HMBOX1: variants seen among roughly 807,000 people sequenced by gnomAD.
The protein encoded by HMBOX1 is homeobox-containing protein 1.
Under a neutral mutation model 54.5 loss-of-function variants are expected in HMBOX1, and 14 were observed. The observed-to-expected ratio is 0.26, with a 90% CI of 0.17 to 0.40. The LOEUF (loss-of-function observed/expected upper bound fraction) is 0.40, where lower values mean the gene tolerates loss of function less well. Among genes scored for constraint, HMBOX1 ranks in the 10% least tolerant of loss-of-function variants. HMBOX1 has a pLI of 1.00. For synonymous variants in HMBOX1, 160 were observed against 181.0 expected (o/e 0.88, Z 0.93); for missense variants, 332 against 514.4 (o/e 0.65, Z 3.43).
At chr8:28,961,707 C>T (rs1208626847) in intron 1 of HMBOX1, among the ~76,000 whole-genome samples, 3 of 152,018 alleles carry the variant, frequency 2.0e-5, no homozygotes, top group Non-Finnish European at 4.4e-5. Flanking sequence ...AAAGTGGAAT[C>T]GCTGGATCAT....
intron 1 of HMBOX1, among the ~76,000 whole-genome samples, chr8:28,940,221 GGT>G (rs1821127870): frequency 6.6e-6 from 1 of 152,050 alleles, no homozygotes; most frequent in Non-Finnish European, 1.5e-5. Flanking sequence ...TGGTCAGGCT[GGT>G]CTTGAACTCT....
chr8:28,897,076 C>T (rs1812280773), intron 1 of HMBOX1, among the ~76,000 whole-genome samples: 1 of 151,710 alleles, frequency 6.6e-6, no homozygotes, highest in African/African-American at 2.4e-5. Context: ...CTTCTGCCAC[C>T]CAGGTTCAAG....
intron 4 of HMBOX1, among the ~76,000 whole-genome samples, chr8:28,988,908 TA>T (rs2132570407): frequency 6.6e-6 from 1 of 152,352 alleles, no homozygotes; most frequent in African/African-American, 2.4e-5. Context: ...GCAAATGTTT[TA>T]AATTTTTATG....
intron 4 of HMBOX1, among the ~76,000 whole-genome samples, chr8:28,998,593 A>G (rs571606651): frequency 3.2e-4 from 49 of 152,218 alleles, no homozygotes; most frequent in Admixed American, 3.1e-3. Context: ...TGTTTCTGCC[A>G]ATCTCTGTCT....
chr8:28,901,127 G>A (rs1813162904), intron 1 of HMBOX1, among the ~76,000 whole-genome samples: 1 of 152,120 alleles, frequency 6.6e-6, no homozygotes, highest in Non-Finnish European at 1.5e-5. Context: ...AGTAGTGGTT[G>A]TTACACCTTA....
intron 6 of HMBOX1, among the ~76,000 whole-genome samples, chr8:29,030,393 A>AT (rs1802766674): frequency 6.6e-6 from 1 of 151,496 alleles, no homozygotes; most frequent in Non-Finnish European, 1.5e-5. Context: ...CTAATTTTGT[A>AT]TTTTTATTAG....
At chr8:28,933,501 TC>T (rs1585897589) in intron 1 of HMBOX1, among the ~76,000 whole-genome samples, 1 of 152,198 alleles carries the variant, frequency 6.6e-6, no homozygotes, top group East Asian at 1.9e-4. Flanking sequence ...TCAGTGAACC[TC>T]CCAAAGCTGG....
intron 1 of HMBOX1, among the ~76,000 whole-genome samples, chr8:28,943,292 A>G (rs1821790703): frequency 1.3e-5 from 2 of 152,232 alleles, no homozygotes; most frequent in Non-Finnish European, 2.9e-5. Flanking sequence ...ATGAAGACCC[A>G]AGGAAGCAGT....
chr8:29,024,295 T>C (rs917225940), intron 6 of HMBOX1, among the ~76,000 whole-genome samples: 1 of 152,176 alleles, frequency 6.6e-6, no homozygotes, highest in African/African-American at 2.4e-5. Flanking sequence ...GTTCATGAGT[T>C]AGAGAATCTG....
intron 1 of HMBOX1, among the ~76,000 whole-genome samples, chr8:28,948,255 A>G (rs1428151517): frequency 2.6e-5 from 4 of 152,058 alleles, no homozygotes; most frequent in Non-Finnish European, 5.9e-5. Context: ...TTTTTTTACC[A>G]CAAGAATGTA....
chr8:28,985,898 G>A (rs1012470710), intron 4 of HMBOX1, among the ~76,000 whole-genome samples: 2 of 151,156 alleles, frequency 1.3e-5, no homozygotes, highest in Non-Finnish European at 1.5e-5. Context: ...CAGCCCCAGA[G>A]TGGTACCTTT....
intron 1 of HMBOX1, among the ~76,000 whole-genome samples, chr8:28,923,087 T>C (rs1166477557): frequency 6.6e-6 from 1 of 152,238 alleles, no homozygotes; most frequent in African/African-American, 2.4e-5. Context: ...ACATTTACAG[T>C]GTTGCACAAC....
Position 28,970,379 on chromosome 8 carries a change from G to A in HMBOX1, c.360G>A (p.Glu120=). ...GCACTACCAATCAAAATGGGAGGGA[G>A]AATAATGAGCGATTATCTACATCCA... ...QPCTTNQNGR[E]NNERLSTSNG... The change falls in exon 3 of 10, where the codon GAG becomes GAA. Residue 120 remains glutamate, a synonymous_variant. Transcript: ENST00000287701. The surrounding 1 kb of genome is among the most constrained non-coding windows in gnomAD (Gnocchi z 4.3). 2 of 1,614,150 alleles carry A rather than the reference G, an allele frequency of 1.2e-6. No individual in the cohort carries two copies. The highest frequency in any genetic ancestry group is 1.6e-4 in the Middle Eastern group (1 of 6,062).
chr8:28,997,922 C>CAG (rs1384972491), intron 4 of HMBOX1, among the ~76,000 whole-genome samples: 1 of 152,104 alleles, frequency 6.6e-6, no homozygotes, highest in Non-Finnish European at 1.5e-5. Flanking sequence ...GGAATTGAGT[C>CAG]AGAAGTGTTT....
At chr8:29,000,814 G>A (rs1236010695) in intron 4 of HMBOX1, among the ~76,000 whole-genome samples, 1 of 152,222 alleles carries the variant, frequency 6.6e-6, no homozygotes, top group East Asian at 1.9e-4. Flanking sequence ...TGGTTTTTAA[G>A]TCTGCTATAA....
chr8:29,003,803 A>G (rs1378505787), intron 4 of HMBOX1, among the ~76,000 whole-genome samples: 3 of 151,898 alleles, frequency 2.0e-5, no homozygotes, highest in African/African-American at 7.3e-5. Flanking sequence ...AATTATAGAG[A>G]TGATAGCAGT....
At chr8:29,034,460 T>C (rs1803513291) in intron 6 of HMBOX1, among the ~76,000 whole-genome samples, 1 of 152,248 alleles carries the variant, frequency 6.6e-6, no homozygotes. Context: ...AGAAATTTAT[T>C]TAGCTTGTAT....
intron 5 of HMBOX1, 110 bp downstream of exon 5, chr8:29,009,292 T>C: frequency 9.3e-7 from 1 of 1,071,804 alleles, no homozygotes; most frequent in East Asian, 2.5e-5. Context: ...CATACTTTAC[T>C]ATGGTTGCTT....
chr8:28,918,143 A>G (rs778413949), intron 1 of HMBOX1, among the ~76,000 whole-genome samples: 29 of 152,132 alleles, frequency 1.9e-4, no homozygotes, highest in Non-Finnish European at 3.5e-4. Context: ...CTTGGTTGTG[A>G]TATTTTTAAA....
Sources: allele counts gnomAD v4.1 joint callset (sites outside exome capture counted in the v4.1 genomes callset), GRCh38; gene constraint gnomAD v4.1.1; non-coding constraint Gnocchi (gnomAD v3.1); transcripts MANE v1.5; gene names NCBI Gene and HGNC (gene_info 2026-07-23, HGNC 2026-07-21).